Variants in EIPR1 observed in about 807,000 individuals in gnomAD.
EIPR1 encodes the protein EARP and GARP complex-interacting protein 1.
EIPR1 carries 25 observed loss-of-function variants against 48.1 expected under a neutral mutation model. That is an observed-to-expected ratio of 0.52 (90% CI 0.38 to 0.73). The LOEUF is 0.73. EIPR1 is among the 30% of genes least tolerant of loss of function. The pLI, the probability that EIPR1 is intolerant of heterozygous loss-of-function variation, is 0.00. For missense variants in EIPR1, 415 were observed against 506.2 expected, an observed-to-expected ratio of 0.82 and a Z score of 1.73; for synonymous variants, 204 against 201.9, an observed-to-expected ratio of 1.01 and a Z score of -0.09.
chr2:3,298,094 T>C (rs1336248549), intron 3 of EIPR1, among the ~76,000 whole-genome samples: 3 of 152,350 alleles, frequency 2.0e-5, no homozygotes, highest in East Asian at 3.9e-4. Context: ...TTGGGACTCA[T>C]GGATAATGCT....
intron 3 of EIPR1, among the ~76,000 whole-genome samples, chr2:3,311,999 G>C (rs2103310231): frequency 6.6e-6 from 1 of 152,278 alleles, no homozygotes; most frequent in Admixed American, 6.5e-5. Flanking sequence ...GGACCTGGCG[G>C]TCACTCTCGT....
At chr2:3,284,753 G>A (rs1050109857) in intron 3 of EIPR1, among the ~76,000 whole-genome samples, 12 of 152,184 alleles carry the variant, frequency 7.9e-5, no homozygotes, top group Admixed American at 3.9e-4. Context: ...CCATTTCCCC[G>A]TGTCATTATC....
At chr2:3,238,616 T>A (rs1243930706) in intron 4 of EIPR1, among the ~76,000 whole-genome samples, 2 of 152,234 alleles carry the variant, frequency 1.3e-5, no homozygotes, top group Non-Finnish European at 2.9e-5. Flanking sequence ...ACTTTTGTTT[T>A]CACAGAGGAA....
At chr2:3,241,278 T>C (rs1666617261) in intron 4 of EIPR1, among the ~76,000 whole-genome samples, 1 of 152,222 alleles carries the variant, frequency 6.6e-6, no homozygotes, top group African/African-American at 2.4e-5. Context: ...AGGTAATCCA[T>C]GGGGGCCCAA....
intron 3 of EIPR1, among the ~76,000 whole-genome samples, chr2:3,297,267 T>C (rs1191526279): frequency 6.6e-6 from 1 of 152,332 alleles, no homozygotes; most frequent in Middle Eastern, 3.4e-3. Context: ...GAAAGGCTGA[T>C]GTTTCAGTGG....
rs150290462 is a variant in EIPR1, at chr2:3,194,019, G to A, written c.801C>T (p.Thr267=). The A allele has an allele frequency of 1.9e-6, 3 of 1,613,602 alleles. No homozygotes were observed. Among genetic ancestry groups the A allele is most frequent in the Non-Finnish European group, 2.5e-6 (3 of 1,179,994 alleles). ...CCTACCAGTGGGAGTGCTCCTCCAG[G>A]GTCTTCACGGGTTCGGTGACATTTC... is the stretch of plus-strand genomic sequence containing the variant. The part of the protein sequence containing the change: ...DTRNVTEPVK[T]LEEHSHWVWN... The change falls in exon 7 of 9, where the codon ACC becomes ACT. Residue 267 remains threonine (T), a synonymous_variant. Transcript: ENST00000382125.
At chr2:3,234,583 C>T (rs772890408) in intron 4 of EIPR1, among the ~76,000 whole-genome samples, 2 of 152,238 alleles carry the variant, frequency 1.3e-5, no homozygotes, top group Non-Finnish European at 2.9e-5. Context: ...GCGGTCAACA[C>T]CCTGATAGAA....
chr2:3,305,533 G>A (rs28464850), intron 3 of EIPR1, among the ~76,000 whole-genome samples: 6,315 of 152,064 alleles, frequency 0.042, 139 homozygotes, highest in South Asian at 0.072. Context: ...CTCCCATCCA[G>A]TTCAACCCTC....
At chr2:3,229,107 C>G (rs1429168345) in intron 4 of EIPR1, among the ~76,000 whole-genome samples, 1 of 152,218 alleles carries the variant, frequency 6.6e-6, no homozygotes, top group Non-Finnish European at 1.5e-5. Flanking sequence ...ATAACAAAAT[C>G]TTGCAGTTGT....
rs910159024 is a variant in EIPR1 at position 3,286,060 on chromosome 2, G to C, written c.260-28605C>G. ...GCTGTGGCTCCATCTTCCTAGCTGA[G>C]AGCCAATGCCAGCTGCAGCCACTGG... On this transcript the variant is annotated intron_variant, in intron 3 of 8. Transcript: ENST00000382125. The surrounding 1 kb of genome is among the most constrained non-coding windows in gnomAD (Gnocchi z 4.2). Among the ~76,000 whole-genome samples the C allele has an allele frequency of 6.6e-6, 1 of 152,152 alleles. No homozygotes were observed. The highest frequency in any genetic ancestry group is 1.5e-5 in the Non-Finnish European group (1 of 68,028).
At chr2:3,361,636 CCTCCA>C (rs1436587770) in intron 1 of EIPR1, among the ~76,000 whole-genome samples, 6 of 152,292 alleles carry the variant, frequency 3.9e-5, no homozygotes, top group African/African-American at 1.4e-4. Context: ...GCTGACCTGA[CCTCCA>C]CTCAGTCATC....
intron 1 of EIPR1, among the ~76,000 whole-genome samples, chr2:3,375,402 A>AG (rs1193973984): frequency 1.3e-5 from 2 of 152,056 alleles, no homozygotes; most frequent in Non-Finnish European, 2.9e-5. Context: ...AAAAAAAGAG[A>AG]GAAAAAAAAG....
intron 2 of EIPR1, 122 bp from the exon 3 acceptor site, chr2:3,338,271 T>C: frequency 2.6e-6 from 3 of 1,160,144 alleles, no homozygotes; most frequent in Non-Finnish European, 3.6e-6. Flanking sequence ...CTTTAGTTAA[T>C]TGTTATTATG....
chr2:3,252,955 TA>T (rs1667047458), intron 4 of EIPR1, among the ~76,000 whole-genome samples: 1 of 152,248 alleles, frequency 6.6e-6, no homozygotes, highest in African/African-American at 2.4e-5. Flanking sequence ...AGGGCTCTTT[TA>T]AAATTTAACC....
At chr2:3,258,853 A>C (rs1667242728) in intron 3 of EIPR1, among the ~76,000 whole-genome samples, 1 of 152,226 alleles carries the variant, frequency 6.6e-6, no homozygotes, top group Non-Finnish European at 1.5e-5. Context: ...TCATATATTC[A>C]TATAATGTTC....
At chr2:3,299,726 A>T (rs975165630) in intron 3 of EIPR1, among the ~76,000 whole-genome samples, 1 of 152,070 alleles carries the variant, frequency 6.6e-6, no homozygotes, top group Admixed American at 6.6e-5. Flanking sequence ...CACGGAAGAC[A>T]GACAACCTGG....
At chr2:3,297,900 C>A (rs754544991) in intron 3 of EIPR1, among the ~76,000 whole-genome samples, 18 of 152,192 alleles carry the variant, frequency 1.2e-4, no homozygotes, top group African/African-American at 3.6e-4. Context: ...CAGCTCACTG[C>A]AAGATCTGCC....
At chr2:3,276,007 A>G (rs1025625308) in intron 3 of EIPR1, among the ~76,000 whole-genome samples, 3 of 152,242 alleles carry the variant, frequency 2.0e-5, no homozygotes, top group South Asian at 2.1e-4. Context: ...ATTGCATCCA[A>G]TGTACCAATA....
chr2:3,375,968 A>G (rs1659862737), intron 1 of EIPR1, among the ~76,000 whole-genome samples: 1 of 152,156 alleles, frequency 6.6e-6, no homozygotes, highest in Non-Finnish European at 1.5e-5. Flanking sequence ...CCTGTATAAA[A>G]TTTATTTGTA....
Sources: gnomAD v4.1 joint callset for allele counts (sites outside exome capture counted in the v4.1 genomes callset) on GRCh38, gnomAD v4.1.1 for gene constraint, Gnocchi (gnomAD v3.1) non-coding constraint, MANE v1.5 for transcripts, NCBI Gene and HGNC (gene_info 2026-07-23, HGNC 2026-07-21) for gene names.